The following APC variants were observed in gnomAD, a reference collection of about 807,000 sequenced individuals.
APC encodes the protein APC regulator of Wnt signaling pathway, also known as adenomatous polyposis coli protein.
In APC, 72 loss-of-function variants were observed where a neutral mutation model predicts 247.0. That is an observed-to-expected ratio of 0.29 (90% CI 0.24 to 0.35). The LOEUF (loss-of-function observed/expected upper bound fraction) is 0.35, where lower values mean the gene tolerates loss of function less well. Ranked by LOEUF, APC falls within the 10% of genes least tolerant of loss-of-function variation. The pLI, the probability that APC is intolerant of heterozygous loss-of-function variation, is 1.00. For synonymous variants in APC, 1,254 were observed against 1,162.5 expected (o/e 1.08, Z -1.60); for missense variants, 3,400 against 3,360.7 (o/e 1.01, Z -0.29).
At chr5:112,830,391 TA>T (rs1269694097) in intron 14 of APC, among the ~76,000 whole-genome samples, 3 of 152,200 alleles carry the variant, frequency 2.0e-5, no homozygotes, top group Admixed American at 6.5e-5. Flanking sequence ...GGTTAAAATT[TA>T]AAAGATTGAC....
At chr5:112,834,252 T>C (rs1042551580) in intron 14 of APC, among the ~76,000 whole-genome samples, 6 of 119,524 alleles carry the variant, frequency 5.0e-5, no homozygotes, top group Non-Finnish European at 1.0e-4. Context: ...TTTTTTTTTT[T>C]TTTTTTTTAA....
rs1762846371 is a variant in APC, at chr5:112,819,193, C to G, written c.1161C>G (p.Leu387=). ...KEARARASAA[L]HNIIHSQPDD... Reference sequence around the variant, plus strand: ...CTCGGGCCAGGGCCAGTGCAGCACTCCACAACATCATTCACTCACAGCCTG... The same window carrying G: ...CTCGGGCCAGGGCCAGTGCAGCACTGCACAACATCATTCACTCACAGCCTG... The change falls in exon 10 of 16, where the codon CTC becomes CTG. Residue 387 remains leucine (L), a synonymous_variant. Coordinates refer to ENST00000257430, the MANE Select transcript of APC (RefSeq NM_000038.6). 6.2e-7 allele frequency: 1 copy of G among 1,613,976 alleles called. No homozygotes were observed. The highest frequency in any genetic ancestry group is 8.5e-7 in the Non-Finnish European group (1 of 1,179,970).
intron 6 of APC, among the ~76,000 whole-genome samples, chr5:112,781,372 C>CA: frequency 6.6e-6 from 1 of 152,284 alleles, no homozygotes; most frequent in South Asian, 2.1e-4. Flanking sequence ...TTTCTACCCT[C>CA]AATGTCAAGA....
intron 9 of APC, among the ~76,000 whole-genome samples, chr5:112,818,159 G>A (rs1476583686): frequency 6.6e-6 from 1 of 152,192 alleles, no homozygotes; most frequent in Non-Finnish European, 1.5e-5. Context: ...GCCCCCAGTT[G>A]AGAACCATTG....
At position 112,834,272 on chromosome 5, in the gene APC, C is replaced by T. The variant is rs78028207; in HGVS notation, c.1744-679C>T. 8.2e-5 allele frequency among the ~76,000 whole-genome samples: 10 copies of T among 121,392 alleles called. 1 individual carries two copies. The highest frequency in any genetic ancestry group is 2.7e-4 in the East Asian group (1 of 3,728). The allele number at this position is 121,392 out of a possible 152,430, so 79.6% of individuals were successfully genotyped here. A position where few individuals can be genotyped will look rare whatever the true frequency, so the allele number is the denominator to read the frequency against. ...TTTTTTTTTTTTTTAAAAAGAGTTT[C>T]GCTCTGTCAGCCAGGCTAGAATGCA... is the stretch of plus-strand genomic sequence containing the variant. On this transcript the variant is annotated intron_variant, in intron 14 of 15. Coordinates refer to ENST00000257430, the MANE Select transcript of APC (RefSeq NM_000038.6).
At chr5:112,806,292 C>G (rs1761371641) in intron 8 of APC, among the ~76,000 whole-genome samples, 1 of 152,198 alleles carries the variant, frequency 6.6e-6, no homozygotes, top group Non-Finnish European at 1.5e-5. Context: ...GTTTCCCCCA[C>G]TAGACTGTAA....
chr5:112,790,787 CT>C (rs1298219957), intron 6 of APC, among the ~76,000 whole-genome samples: 1 of 152,098 alleles, frequency 6.6e-6, no homozygotes, highest in Admixed American at 6.5e-5. Flanking sequence ...GTATTTAAAG[CT>C]AATTGCCATA....
chr5:112,750,323 G>T (rs1754198942), intron 1 of APC, among the ~76,000 whole-genome samples: 1 of 152,114 alleles, frequency 6.6e-6, no homozygotes, highest in Non-Finnish European at 1.5e-5. Flanking sequence ...CTTACCACCA[G>T]ACACCATACC....
Position 112,838,536 on chromosome 5 carries a change from C to G in APC, c.2942C>G (p.Pro981Arg), listed in dbSNP as rs587779784. The G allele has an allele frequency of 2.1e-5, 34 of 1,614,018 alleles. No individual in the cohort carries two copies. The highest frequency in any genetic ancestry group is 2.9e-5 in the Non-Finnish European group (34 of 1,180,008). ...DGYGKRGQMKPSIESYSEDDE... is the reference protein window; with the variant it reads ...DGYGKRGQMKRSIESYSEDDE... ...TATGGTAAAAGAGGTCAAATGAAAC[C>G]CTCGATTGAATCCTATTCTGAAGAT... Residue 981 changes from proline (P) to arginine (R), a missense_variant, in exon 16 of 16, where the codon CCC becomes CGC. This residue lies in a region of APC where 715 missense variants were observed against 656.6 expected (regional missense o/e 1.09). Transcript: ENST00000257430.
chr5:112,758,350 A>C (rs1282315110), intron 2 of APC, among the ~76,000 whole-genome samples: 2 of 152,016 alleles, frequency 1.3e-5, no homozygotes, highest in East Asian at 3.9e-4. Context: ...TTTGAGACGA[A>C]GTCTCACACT....
intron 14 of APC, among the ~76,000 whole-genome samples, chr5:112,834,698 A>G (rs1420969074): frequency 6.6e-6 from 1 of 152,134 alleles, no homozygotes; most frequent in African/African-American, 2.4e-5. Context: ...TACTATCTAA[A>G]CACTTAGAAT....
intron 1 of APC, among the ~76,000 whole-genome samples, chr5:112,742,428 A>G (rs1377726510): frequency 6.6e-6 from 1 of 152,218 alleles, no homozygotes; most frequent in Non-Finnish European, 1.5e-5. Context: ...CTGTGGGGCA[A>G]GAATTCAGGA....
At position 112,843,377 on chromosome 5, in the gene APC, A is replaced by C. The variant is rs1766566927; in HGVS notation, c.7783A>C (p.Ile2595Leu). Residue 2595 changes from isoleucine (I) to leucine (L), a missense_variant, in exon 16 of 16, where the codon ATT becomes CTT. This residue lies in a region of APC where 1,788 missense variants were observed against 1,649.5 expected (regional missense o/e 1.08). Coordinates refer to ENST00000257430, the MANE Select transcript of APC (RefSeq NM_000038.6). The surrounding 1 kb of genome is among the most constrained non-coding windows in gnomAD (Gnocchi z 4.8). ...TGAGGATGAAAAACATGTGAACTCT[A>C]TTTCAGGAACCAAACAAAGTAAAGA... ...KSEDEKHVNSISGTKQSKENQ... is the reference protein window; with the variant it reads ...KSEDEKHVNSLSGTKQSKENQ... 1 of 1,613,802 alleles carries C rather than the reference A, an allele frequency of 6.2e-7. No homozygotes were observed. Among genetic ancestry groups the C allele is most frequent in the African/African-American group, 1.3e-5 (1 of 75,018 alleles).
intron 14 of APC, among the ~76,000 whole-genome samples, chr5:112,832,922 C>G (rs1191525567): frequency 1.3e-5 from 2 of 152,084 alleles, no homozygotes; most frequent in Non-Finnish European, 2.9e-5. Context: ...TAGAGTGCCT[C>G]TCATTGCAAT....
intron 4 of APC, among the ~76,000 whole-genome samples, chr5:112,770,590 A>G (rs997574097): frequency 6.6e-6 from 1 of 152,058 alleles, no homozygotes; most frequent in African/African-American, 2.4e-5. Flanking sequence ...AAGGTTCTCA[A>G]CTCTCACTGA....
At chr5:112,835,223 C>A (rs1764754974) in intron 15 of APC, 58 bp downstream of exon 15, 1 of 1,425,468 alleles carries the variant, frequency 7.0e-7, no homozygotes, top group Non-Finnish European at 9.7e-7. Context: ...TCAAAAAGAC[C>A]TAATTGTAAG....
In APC at chr5:112,808,450, GTTTTGT is replaced by G. The variant is rs537961699; in HGVS notation, c.835-7028_835-7023del. Among the ~76,000 whole-genome samples the G allele has an allele frequency of 1.2e-4, 18 of 152,160 alleles. No homozygotes were observed. The East Asian group carries it at 3.5e-3, about 29-fold the overall frequency. On this transcript the variant is annotated intron_variant, in intron 8 of 15. Transcript: ENST00000257430. ...TCTTTTTTCTTTATGGTTTTCTGGG[GTTTTGT>G]TTTTGTTTTTGTTTTTTTAGTCAGG...
intron 1 of APC, among the ~76,000 whole-genome samples, chr5:112,721,266 T>C (rs1751466867): frequency 6.6e-6 from 1 of 151,896 alleles, no homozygotes; most frequent in African/African-American, 2.4e-5. Flanking sequence ...ATACAAAAAT[T>C]AGCCAGGCAT....
chr5:112,771,114 T>C (rs1756997807), intron 4 of APC, among the ~76,000 whole-genome samples: 2 of 152,132 alleles, frequency 1.3e-5, no homozygotes, highest in South Asian at 4.1e-4. Context: ...GTCAGTAGTA[T>C]GCCAGAATTA....
Sources: allele counts gnomAD v4.1 joint callset (sites outside exome capture counted in the v4.1 genomes callset), GRCh38; gene constraint gnomAD v4.1.1; regional missense constraint gnomAD v4.1.1; non-coding constraint Gnocchi (gnomAD v3.1); transcripts MANE v1.5; gene names NCBI Gene and HGNC (gene_info 2026-07-23, HGNC 2026-07-21).